Variants in EYS observed in about 807,000 individuals in gnomAD.
EYS encodes the protein EGF-like photoreceptor maintenance factor.
EYS carries 250 observed loss-of-function variants against 282.1 expected under a neutral mutation model. The observed-to-expected ratio is 0.89, with a 90% CI of 0.80 to 0.98. EYS has a LOEUF of 0.98. EYS is among the 50% of genes least tolerant of loss of function. The probability of loss-of-function intolerance (pLI) is 0.00; values close to 1 mark genes in which losing one functional copy is unlikely to be tolerated. For missense variants in EYS, 4,016 were observed against 3,709.0 expected, an observed-to-expected ratio of 1.08 and a Z score of -2.15; for synonymous variants, 1,355 against 1,282.9, an observed-to-expected ratio of 1.06 and a Z score of -1.20.
At chr6:65,231,307 A>C (rs1389699396) in intron 12 of EYS, among the ~76,000 whole-genome samples, 1 of 150,824 alleles carries the variant, frequency 6.6e-6, no homozygotes, top group Admixed American at 6.6e-5. Context: ...ATCAGAAAAA[A>C]TAAAATATAT....
At chr6:64,534,324 T>G (rs1764452039) in intron 26 of EYS, among the ~76,000 whole-genome samples, 1 of 152,066 alleles carries the variant, frequency 6.6e-6, no homozygotes, top group East Asian at 1.9e-4. Flanking sequence ...TTCTTGGTTT[T>G]CTTTACCAAA....
At chr6:65,643,021 G>A (rs182745067) in intron 1 of EYS, among the ~76,000 whole-genome samples, 1 of 152,330 alleles carries the variant, frequency 6.6e-6, no homozygotes, top group East Asian at 1.9e-4. Flanking sequence ...CAGGAAAGCT[G>A]AGAGAATTAT....
At chr6:63,825,828 A>G (rs894326496) in intron 36 of EYS, among the ~76,000 whole-genome samples, 2 of 152,170 alleles carry the variant, frequency 1.3e-5, no homozygotes, top group African/African-American at 4.8e-5. Flanking sequence ...ATATGACAAA[A>G]CAAGGCTCAT....
At chr6:64,792,386 A>T (rs1039180482) in intron 22 of EYS, among the ~76,000 whole-genome samples, 5 of 151,956 alleles carry the variant, frequency 3.3e-5, no homozygotes, top group African/African-American at 1.2e-4. Context: ...AAAATATAAA[A>T]TTTAGATTGT....
intron 1 of EYS, among the ~76,000 whole-genome samples, chr6:65,687,641 T>C (rs1769074066): frequency 6.6e-6 from 1 of 152,118 alleles, no homozygotes; most frequent in African/African-American, 2.4e-5. Context: ...GAAGTCAAAT[T>C]GTCCCTGTTT....
At chr6:63,867,755 A>C (rs936176631) in intron 35 of EYS, among the ~76,000 whole-genome samples, 11 of 152,314 alleles carry the variant, frequency 7.2e-5, no homozygotes, top group Non-Finnish European at 1.0e-4. Context: ...AAGGATTACC[A>C]GGGACTCTCC....
intron 31 of EYS, among the ~76,000 whole-genome samples, chr6:64,180,824 A>G (rs751172977): frequency 2.6e-5 from 4 of 152,098 alleles, no homozygotes; most frequent in East Asian, 1.9e-4. Context: ...GATTTATTTT[A>G]GATTTGAGGA....
At chr6:63,877,248 T>C (rs1209316207) in intron 35 of EYS, among the ~76,000 whole-genome samples, 2 of 152,206 alleles carry the variant, frequency 1.3e-5, no homozygotes, top group Admixed American at 1.3e-4. Context: ...TGGCTGGATA[T>C]GAAATTCTGG....
intron 2 of EYS, among the ~76,000 whole-genome samples, chr6:65,568,761 T>C (rs1764371687): frequency 6.6e-6 from 1 of 152,158 alleles, no homozygotes; most frequent in Admixed American, 6.5e-5. Context: ...TCTTTTCTAA[T>C]TGACAAAAGT....
At chr6:64,942,856 C>T (rs563411062) in intron 15 of EYS, among the ~76,000 whole-genome samples, 58 of 144,056 alleles carry the variant, frequency 4.0e-4, no homozygotes, top group Admixed American at 1.1e-3. Context: ...AAAATGAAGT[C>T]GAAGGAACTC....
chr6:65,689,859 T>C (rs1769176486), intron 1 of EYS, among the ~76,000 whole-genome samples: 1 of 149,860 alleles, frequency 6.7e-6, no homozygotes, highest in South Asian at 2.2e-4. Flanking sequence ...TCTCTCTTTG[T>C]TCCCAGACAG....
At chr6:64,673,244 T>C (rs1769528996) in intron 22 of EYS, among the ~76,000 whole-genome samples, 1 of 152,098 alleles carries the variant, frequency 6.6e-6, no homozygotes, top group Admixed American at 6.6e-5. Flanking sequence ...AAACAGTGCA[T>C]AGACATCCAG....
rs1168872406 is a variant in EYS at position 63,824,434 on chromosome 6, A to G, written c.7229-18062T>C. Among the ~76,000 whole-genome samples, 6 of 152,326 alleles carry G rather than the reference A, an allele frequency of 3.9e-5. No individual in the cohort carries two copies. The East Asian group carries it at 1.2e-3, about 29-fold the overall frequency. On this transcript the variant is annotated intron_variant, in intron 36 of 42. Transcript: ENST00000503581. ...ACTGATAAATTGATCATTACCACAT[A>G]TTACAAAATAAAACTTAGCTTCATA... is the stretch of plus-strand genomic sequence containing the variant.
intron 22 of EYS, among the ~76,000 whole-genome samples, chr6:64,675,612 T>C (rs1769630289): frequency 6.6e-6 from 1 of 151,844 alleles, no homozygotes; most frequent in Non-Finnish European, 1.5e-5. Context: ...GTATTTTTAG[T>C]AGAGACAGGG....
At chr6:63,803,676 C>A (rs1770833558) in intron 37 of EYS, among the ~76,000 whole-genome samples, 1 of 152,144 alleles carries the variant, frequency 6.6e-6, no homozygotes, top group Non-Finnish European at 1.5e-5. Context: ...ATATCTCATG[C>A]AATTATTTGT....
chr6:65,500,832 G>A (rs1354015529), intron 2 of EYS, among the ~76,000 whole-genome samples: 1 of 151,810 alleles, frequency 6.6e-6, no homozygotes, highest in Non-Finnish European at 1.5e-5. Flanking sequence ...AATGTGCAAG[G>A]GTCAGTGATG....
chr6:65,396,202 A>C (rs1465577667), intron 7 of EYS, among the ~76,000 whole-genome samples: 4 of 152,162 alleles, frequency 2.6e-5, no homozygotes, highest in African/African-American at 9.7e-5. Flanking sequence ...GTCTCAACTC[A>C]AAGATCTGAA....
At chr6:65,514,948 A>G (rs1767063932) in intron 2 of EYS, among the ~76,000 whole-genome samples, 1 of 152,160 alleles carries the variant, frequency 6.6e-6, no homozygotes, top group South Asian at 2.1e-4. Flanking sequence ...ATGGGATCTA[A>G]TTAAACTAAA....
chr6:65,385,469 CA>C, intron 7 of EYS, among the ~76,000 whole-genome samples: 1 of 152,028 alleles, frequency 6.6e-6, no homozygotes, highest in South Asian at 2.1e-4. Context: ...ATTATTTCTC[CA>C]TTCATATCAG....
Sources: gnomAD v4.1 joint callset for allele counts (sites outside exome capture counted in the v4.1 genomes callset) on GRCh38, gnomAD v4.1.1 for gene constraint, MANE v1.5 for transcripts, NCBI Gene and HGNC (gene_info 2026-07-23, HGNC 2026-07-21) for gene names.